Variants in RAD54B observed in about 807,000 individuals in gnomAD.
RAD54B encodes the protein RAD54 homolog B.
Under a neutral mutation model 95.8 loss-of-function variants are expected in RAD54B, and 78 were observed. That is an observed-to-expected ratio of 0.81 (90% CI 0.68 to 0.98). The LOEUF is 0.98. Among genes scored for constraint, RAD54B ranks in the 50% least tolerant of loss-of-function variants. RAD54B has a pLI of 0.00. For missense variants in RAD54B, 957 were observed against 1,056.6 expected (o/e 0.91, Z 1.31); for synonymous variants, 328 against 354.9 (o/e 0.92, Z 0.85).
intron 3 of RAD54B, among the ~76,000 whole-genome samples, chr8:94,412,645 T>C (rs1330077488): frequency 6.6e-6 from 1 of 152,110 alleles, no homozygotes; most frequent in African/African-American, 2.4e-5. Flanking sequence ...ACTTGAACCA[T>C]GGAAACTATC....
chr8:94,428,742 T>C (rs1812006282), intron 3 of RAD54B: 2 of 983,448 alleles, frequency 2.0e-6, no homozygotes, highest in Admixed American at 6.1e-5. Flanking sequence ...GTACATTCCA[T>C]TGTACTAGCA....
rs548333835 is a variant in RAD54B at position 94,411,197 on chromosome 8, C to A, written c.423G>T (p.Trp141Cys). 1.9e-6 allele frequency: 3 copies of A among 1,611,078 alleles called. No homozygotes were observed. The highest frequency in any genetic ancestry group is 2.5e-6 in the Non-Finnish European group (3 of 1,178,932). The change falls in exon 4 of 15, where the codon TGG becomes TGT. Residue 141 changes from tryptophan to cysteine, a missense_variant. Coordinates refer to ENST00000336148, the MANE Select transcript of RAD54B (RefSeq NM_012415.3). ...CKPSKKKHKK[W>C]EGDAVLIVKG... Reference sequence around the variant, plus strand: ...TTACAATAAGAACAGCATCACCTTCCCACTTTTTATGTTTTTTCTTTGAAG... The same window carrying A: ...TTACAATAAGAACAGCATCACCTTCACACTTTTTATGTTTTTTCTTTGAAG...
At chr8:94,386,586 GTGTGTGTGCA>G (rs71700766) in intron 11 of RAD54B, among the ~76,000 whole-genome samples, 36,820 of 121,858 alleles carry the variant, frequency 0.3, 5,254 homozygotes, top group Admixed American at 0.41. Context: ...TTGTGTGTGT[GTGTGTGTGCA>G]TGTGTGTGTG....
At chr8:94,396,719 C>G (rs1000153069) in intron 8 of RAD54B, among the ~76,000 whole-genome samples, 1 of 152,068 alleles carries the variant, frequency 6.6e-6, no homozygotes, top group Admixed American at 6.6e-5. Context: ...TAATTGTGGG[C>G]TGAACTGTAT....
At chr8:94,446,976 T>TAA (rs10651138) in intron 3 of RAD54B, among the ~76,000 whole-genome samples, 14,154 of 147,414 alleles carry the variant, frequency 0.096, 1,226 homozygotes, top group African/African-American at 0.22. Flanking sequence ...AGATAAGACT[T>TAA]AAAAAAAAAA....
intron 6 of RAD54B, among the ~76,000 whole-genome samples, chr8:94,402,497 G>A (rs1384490741): frequency 3.9e-5 from 6 of 152,016 alleles, no homozygotes; most frequent in South Asian, 2.1e-4. Flanking sequence ...CAAGTGATCC[G>A]CCTGCCTTGG....
At chr8:94,412,984 A>G (rs1447418042) in intron 3 of RAD54B, among the ~76,000 whole-genome samples, 1 of 152,214 alleles carries the variant, frequency 6.6e-6, no homozygotes, top group Non-Finnish European at 1.5e-5. Flanking sequence ...CAGACATGTG[A>G]AATACTTGGG....
At chr8:94,429,128 G>A (rs1162243222) in intron 3 of RAD54B, 3 of 984,204 alleles carry the variant, frequency 3.0e-6, no homozygotes, top group East Asian at 1.1e-4. Context: ...CTCAAAGAGT[G>A]TGATTCTGGT....
In RAD54B at chr8:94,378,393, C is replaced by T. The variant is rs1001207171; in HGVS notation, c.2315-13G>A. ...TCTTCTATTGTACCTAAAGAGAAAA[C>T]ATTAATTAGATTTCCTTCAGATCTT... On this transcript the variant is annotated splice_polypyrimidine_tract_variant and intron_variant, in intron 13 of 14. Coordinates refer to ENST00000336148, the MANE Select transcript of RAD54B (RefSeq NM_012415.3). 1 of 1,599,494 alleles carries T rather than the reference C, an allele frequency of 6.3e-7. No homozygotes were observed.
intron 14 of RAD54B, among the ~76,000 whole-genome samples, chr8:94,375,988 T>G (rs1810559197): frequency 6.6e-6 from 1 of 152,190 alleles, no homozygotes; most frequent in Non-Finnish European, 1.5e-5. Flanking sequence ...TTTAAATAAT[T>G]GAGTCATGTA....
At chr8:94,442,895 C>A (rs1427966595) in intron 3 of RAD54B, among the ~76,000 whole-genome samples, 2 of 152,160 alleles carry the variant, frequency 1.3e-5, no homozygotes, top group South Asian at 4.1e-4. Flanking sequence ...TAGCATTACA[C>A]GTTAAGTCAG....
At chr8:94,384,314 C>T (rs1197844280) in intron 11 of RAD54B, among the ~76,000 whole-genome samples, 2 of 151,908 alleles carry the variant, frequency 1.3e-5, no homozygotes, top group Non-Finnish European at 1.5e-5. Context: ...TATTGTTTAG[C>T]CTTAAAAAGG....
intron 6 of RAD54B, among the ~76,000 whole-genome samples, chr8:94,402,009 T>C (rs1317658554): frequency 1.3e-5 from 2 of 152,280 alleles, no homozygotes; most frequent in East Asian, 3.9e-4. Context: ...AATATGAAGC[T>C]AGCACGGCAG....
intron 6 of RAD54B, among the ~76,000 whole-genome samples, chr8:94,401,497 C>T (rs1811267820): frequency 1.3e-5 from 2 of 151,988 alleles, no homozygotes; most frequent in African/African-American, 4.8e-5. Context: ...GTATATAATA[C>T]ATATATGAAA....
chr8:94,458,257 A>G lies in RAD54B; in HGVS notation c.304+11T>C. On this transcript the variant is annotated intron_variant, in intron 3 of 14. Transcript: ENST00000336148. ...TCAAGCATAAACCTTATCAATAAAA[A>G]GCAGTCTTACCTGTATGAGGTGGAT... is the stretch of plus-strand genomic sequence containing the variant. 1 of 1,574,374 alleles carries G rather than the reference A, an allele frequency of 6.4e-7. No homozygotes were observed. The highest frequency in any genetic ancestry group is 8.6e-7 in the Non-Finnish European group (1 of 1,166,878).
At chr8:94,377,597 C>T (rs1249431146) in intron 14 of RAD54B, among the ~76,000 whole-genome samples, 2 of 140,330 alleles carry the variant, frequency 1.4e-5, no homozygotes, top group Admixed American at 7.3e-5. Context: ...ACTCCAAAGC[C>T]ATTACACCAG....
chr8:94,446,282 G>A (rs1207900602), intron 3 of RAD54B, among the ~76,000 whole-genome samples: 1 of 152,066 alleles, frequency 6.6e-6, no homozygotes, highest in Non-Finnish European at 1.5e-5. Flanking sequence ...ATTTTAGGAG[G>A]TAGTCCAAAA....
At chr8:94,430,602 G>T in intron 3 of RAD54B, 1 of 601,372 alleles carries the variant, frequency 1.7e-6, no homozygotes, top group Non-Finnish European at 2.1e-6. Flanking sequence ...TGCTGATGCT[G>T]CTGGTCAGGA....
intron 14 of RAD54B, among the ~76,000 whole-genome samples, chr8:94,375,154 G>GT (rs1394550901): frequency 1.2e-4 from 19 of 152,238 alleles, no homozygotes; most frequent in African/African-American, 4.3e-4. Context: ...CACATTCTCT[G>GT]ACTCAGCAAT....
Sources: gnomAD v4.1 joint callset for allele counts (sites outside exome capture counted in the v4.1 genomes callset) on GRCh38, gnomAD v4.1.1 for gene constraint, MANE v1.5 for transcripts, NCBI Gene and HGNC (gene_info 2026-07-23, HGNC 2026-07-21) for gene names.